Variants in CFAP70 observed in about 807,000 individuals in gnomAD.
CFAP70 encodes cilia- and flagella-associated protein 70.
CFAP70 carries 81 observed loss-of-function variants against 137.6 expected under a neutral mutation model. The ratio of observed to expected loss-of-function variants is 0.59; its 90% CI spans 0.49 to 0.71. The LOEUF (loss-of-function observed/expected upper bound fraction) is 0.71, where lower values mean the gene tolerates loss of function less well. Among genes scored for constraint, CFAP70 ranks in the 30% least tolerant of loss-of-function variants. The pLI is 0.00. For synonymous variants in CFAP70, 382 were observed against 423.6 expected, an observed-to-expected ratio of 0.90 and a Z score of 1.20; for missense variants, 976 against 1,226.7, an observed-to-expected ratio of 0.80 and a Z score of 3.05.
At chr10:73,328,039 T>G (rs1478433638) in intron 8 of CFAP70, among the ~76,000 whole-genome samples, 1 of 152,176 alleles carries the variant, frequency 6.6e-6, no homozygotes, top group African/African-American at 2.4e-5. Context: ...AAGTCAATCC[T>G]AAGCCAAAAG....
chr10:73,330,625 A>G (rs1186163942), intron 8 of CFAP70, among the ~76,000 whole-genome samples: 1 of 152,100 alleles, frequency 6.6e-6, no homozygotes, highest in Non-Finnish European at 1.5e-5. Context: ...TACTTATTAA[A>G]TGGTCTGCTA....
intron 25 of CFAP70, among the ~76,000 whole-genome samples, chr10:73,269,333 C>T (rs1290767299): frequency 6.6e-6 from 1 of 152,174 alleles, no homozygotes; most frequent in Non-Finnish European, 1.5e-5. Flanking sequence ...TAGAACATCT[C>T]CTTCATCAAT....
At chr10:73,263,874 C>T (rs2045507440) in intron 25 of CFAP70, among the ~76,000 whole-genome samples, 1 of 152,112 alleles carries the variant, frequency 6.6e-6, no homozygotes, top group Non-Finnish European at 1.5e-5. Flanking sequence ...TTCCAAATTG[C>T]GATTTTCCAA....
rs1411835558 is a variant in CFAP70, at chr10:73,254,155, T to C, written c.3076-100A>G. The C allele has an allele frequency of 5.4e-6, 5 of 926,908 alleles. No homozygotes were observed. In the Admixed American group the frequency reaches 1.0e-4, roughly 19 times the overall value. 57.4% of individuals were successfully genotyped at this position (926,908 alleles called of 1,614,324 possible). Reference sequence around the variant, plus strand: ...TTTGTGGGGCTACGGCTAAAGAACATAGTTCCCTGGGATGGAATTGGCTCT... The same window carrying C: ...TTTGTGGGGCTACGGCTAAAGAACACAGTTCCCTGGGATGGAATTGGCTCT... On this transcript the variant is annotated intron_variant, in intron 26 of 26. Transcript: ENST00000310715.
At chr10:73,321,544 T>A (rs2050851624) in intron 9 of CFAP70, among the ~76,000 whole-genome samples, 1 of 152,152 alleles carries the variant, frequency 6.6e-6, no homozygotes. Context: ...TACTGAAAAA[T>A]AGCTGTCCTA....
rs1219802259 is a variant in CFAP70 at position 73,272,699 on chromosome 10, T to C, written c.2925+229A>G. The C allele has an allele frequency of 1.8e-5, 11 of 609,898 alleles. No homozygotes were observed. The East Asian group carries it at 3.3e-4, about 18-fold the overall frequency. 37.8% of individuals were successfully genotyped at this position (609,898 alleles called of 1,614,324 possible). On this transcript the variant is annotated intron_variant, in intron 24 of 26. Coordinates refer to ENST00000310715, the Ensembl canonical transcript of CFAP70. ...AATAACATGAATTTTTTTTATTATGTAGCTTCTTGGTTCAGGTTTTTCTGG... is the reference window on the plus strand; with the variant it reads ...AATAACATGAATTTTTTTTATTATGCAGCTTCTTGGTTCAGGTTTTTCTGG...
At chr10:73,347,408 TAA>T in intron 4 of CFAP70, among the ~76,000 whole-genome samples, 1 of 152,018 alleles carries the variant, frequency 6.6e-6, no homozygotes, top group South Asian at 2.1e-4. Flanking sequence ...AATAAGGCAA[TAA>T]AGAGTAGGAA....
chr10:73,316,463 GATATAT>G (rs56896753), intron 9 of CFAP70, among the ~76,000 whole-genome samples: 1 of 128,150 alleles, frequency 7.8e-6, no homozygotes, highest in Non-Finnish European at 1.6e-5. Context: ...CCTTTGTTGA[GATATAT>G]ATATATATAT....
chr10:73,312,683 A>C (rs776640311), intron 9 of CFAP70, 40 bp from the exon 11 acceptor site: 1 of 1,488,908 alleles, frequency 6.7e-7, no homozygotes, highest in Non-Finnish European at 8.9e-7. Flanking sequence ...GCAATACATG[A>C]GACAAACTTG....
intron 12 of CFAP70, among the ~76,000 whole-genome samples, chr10:73,305,393 G>C (rs1032449665): frequency 4.6e-5 from 7 of 152,126 alleles, no homozygotes; most frequent in African/African-American, 1.4e-4. Flanking sequence ...GTGTGTACTG[G>C]GAAATTCAGA....
At chr10:73,267,328 G>A (rs1033426487) in intron 25 of CFAP70, among the ~76,000 whole-genome samples, 2 of 152,162 alleles carry the variant, frequency 1.3e-5, no homozygotes, top group Non-Finnish European at 2.9e-5. Flanking sequence ...CTTCCATGTG[G>A]ACTACTATAG....
chr10:73,336,982 TAAAGAA>T (rs762749128), intron 6 of CFAP70, among the ~76,000 whole-genome samples: 2 of 152,036 alleles, frequency 1.3e-5, no homozygotes, highest in Non-Finnish European at 2.9e-5. Context: ...CAAGTACAAA[TAAAGAA>T]AAAGAGTGAG....
chr10:73,353,660 G>A, exon 3 of CFAP70: 1 of 1,614,176 alleles, frequency 6.2e-7, no homozygotes, highest in Non-Finnish European at 8.5e-7. Flanking sequence ...TGGAGAAACA[G>A]TAATTTTTGC....
chr10:73,340,715 A>G (rs1021015614), intron 6 of CFAP70, among the ~76,000 whole-genome samples: 1 of 152,206 alleles, frequency 6.6e-6, no homozygotes, highest in African/African-American at 2.4e-5. Context: ...TTGGTGTGTC[A>G]GCACTTCCCT....
chr10:73,314,440 T>G (rs2132121325), intron 9 of CFAP70, among the ~76,000 whole-genome samples: 1 of 152,336 alleles, frequency 6.6e-6, no homozygotes, highest in Non-Finnish European at 1.5e-5. Context: ...ACAAGCTTTC[T>G]CAAATTTTAA....
intron 12 of CFAP70, among the ~76,000 whole-genome samples, chr10:73,308,609 C>G (rs1030275533): frequency 1.1e-5 from 1 of 88,886 alleles, no homozygotes; most frequent in Non-Finnish European, 2.2e-5. Flanking sequence ...GCTTGGGCAA[C>G]AAGAGTGAAA....
exon 4 of CFAP70, chr10:73,348,486 G>C (rs779269397): frequency 6.6e-7 from 1 of 1,522,102 alleles, no homozygotes. Context: ...TCTTCTTTCT[G>C]TTTCTTTTCC....
At chr10:73,253,883 C>T (rs192356363) in exon 27 of CFAP70, 32 of 985,634 alleles carry the variant, frequency 3.2e-5, no homozygotes, top group Admixed American at 2.2e-5. Flanking sequence ...AAGATTCTTT[C>T]GTTCTCCAGC....
rs1048768609 is a variant in CFAP70 at position 73,337,861 on chromosome 10, G to A, written c.583-2337C>T. Among the ~76,000 whole-genome samples, 14 of 152,102 alleles carry A rather than the reference G, an allele frequency of 9.2e-5. No homozygotes were observed. The East Asian group carries it at 1.4e-3, about 15-fold the overall frequency. ...GCGCAGGTTGCAGTGAGCCAAGATC[G>A]GGCCATTGCACTCCAGCCTGGGCAA... On this transcript the variant is annotated intron_variant, in intron 6 of 26. Transcript: ENST00000310715.
Sources: allele counts gnomAD v4.1 joint callset (sites outside exome capture counted in the v4.1 genomes callset), GRCh38; gene constraint gnomAD v4.1.1; transcripts MANE v1.5; gene names NCBI Gene and HGNC (gene_info 2026-07-23, HGNC 2026-07-21).